RPTOR: variants seen among roughly 807,000 people sequenced by gnomAD.
The protein encoded by RPTOR is regulatory associated protein of MTOR complex 1.
A neutral mutation model predicts 169.9 loss-of-function variants in RPTOR; 21 were observed. The ratio of observed to expected loss-of-function variants is 0.12; its 90% CI spans 0.09 to 0.18. The LOEUF is 0.18. Ranked by LOEUF, RPTOR falls within the 10% of genes least tolerant of loss-of-function variation. The pLI is 1.00. For synonymous variants in RPTOR, 732 were observed against 753.2 expected, an observed-to-expected ratio of 0.97 and a Z score of 0.46; for missense variants, 1,133 against 1,855.9, an observed-to-expected ratio of 0.61 and a Z score of 7.16.
intron 9 of RPTOR, among the ~76,000 whole-genome samples, chr17:80,827,921 G>C (rs1370876676): frequency 1.3e-5 from 2 of 152,220 alleles, no homozygotes; most frequent in Non-Finnish European, 2.9e-5. Context: ...ATGAGAAACT[G>C]GGGTGTGTGA....
rs1334637901 is a variant in RPTOR, at chr17:80,753,434, AC to A, written c.655-574del. ...CGGATCACGAGGTCAGGAGATCGAG[AC>A]CATCCTGGCTAACACGGTGAAACCC... On this transcript the variant is annotated intron_variant, in intron 5 of 33. Coordinates refer to ENST00000306801, the MANE Select transcript of RPTOR (RefSeq NM_020761.3). 2.0e-5 allele frequency among the ~76,000 whole-genome samples: 3 copies of A among 152,014 alleles called. No homozygotes were observed. The East Asian group carries it at 5.8e-4, about 29-fold the overall frequency.
At chr17:80,745,129 G>C (rs1326184364) in intron 5 of RPTOR, among the ~76,000 whole-genome samples, 1 of 152,228 alleles carries the variant, frequency 6.6e-6, no homozygotes, top group Non-Finnish European at 1.5e-5. Context: ...TTTTGATATA[G>C]AGGGTGAAGA....
At chr17:80,961,310 C>G (rs1439320902) in intron 30 of RPTOR, 84 bp from the exon 31 acceptor site, 2 of 1,336,430 alleles carry the variant, frequency 1.5e-6, no homozygotes, top group Non-Finnish European at 2.0e-6. Context: ...CACAGGCAGA[C>G]CTGGGCAGCT....
At chr17:80,958,270 T>C (rs950917553) in intron 29 of RPTOR, among the ~76,000 whole-genome samples, 12 of 151,056 alleles carry the variant, frequency 7.9e-5, no homozygotes, top group African/African-American at 2.9e-4. Flanking sequence ...TTTTTAACTT[T>C]TTGTAGAAAC....
chr17:80,719,463 G>T (rs1208035206), intron 4 of RPTOR, among the ~76,000 whole-genome samples: 1 of 152,198 alleles, frequency 6.6e-6, no homozygotes, highest in Non-Finnish European at 1.5e-5. Flanking sequence ...AGAATTCTCA[G>T]CCCTATTAAA....
chr17:80,693,278 C>G (rs1405458160), intron 3 of RPTOR, among the ~76,000 whole-genome samples: 1 of 152,178 alleles, frequency 6.6e-6, no homozygotes, highest in African/African-American at 2.4e-5. Context: ...CCCACTTCTC[C>G]CAGCAGTGCC....
intron 13 of RPTOR, among the ~76,000 whole-genome samples, chr17:80,871,571 G>A (rs769979407): frequency 5.9e-5 from 9 of 152,198 alleles, no homozygotes; most frequent in South Asian, 2.1e-4. Context: ...CGCCCCTTCC[G>A]GAATGGGCTG....
At chr17:80,553,241 TCTC>T (rs1162599617) in intron 1 of RPTOR, among the ~76,000 whole-genome samples, 1 of 152,192 alleles carries the variant, frequency 6.6e-6, no homozygotes, top group East Asian at 1.9e-4. Context: ...TGCTGCTCCT[TCTC>T]CTGCAGGCAA....
intron 5 of RPTOR, among the ~76,000 whole-genome samples, chr17:80,753,794 A>G (rs1007137266): frequency 6.6e-6 from 1 of 152,128 alleles, no homozygotes; most frequent in African/African-American, 2.4e-5. Flanking sequence ...CTGTGCCATC[A>G]GAAGGGCCTT....
intron 6 of RPTOR, among the ~76,000 whole-genome samples, chr17:80,783,642 C>G (rs1039281908): frequency 1.2e-4 from 19 of 152,352 alleles, no homozygotes; most frequent in Admixed American, 1.0e-3. Context: ...GGGGCTCCTC[C>G]GATATCCAGC....
At chr17:80,729,183 T>C (rs80016578) in intron 4 of RPTOR, among the ~76,000 whole-genome samples, 2,201 of 152,334 alleles carry the variant, frequency 0.014, 53 homozygotes, top group African/African-American at 0.05. Flanking sequence ...TTCCCCAGGC[T>C]TTGCTGGATC....
chr17:80,823,641 T>TCA lies in RPTOR; in HGVS notation c.1136+455_1136+456dup, dbSNP rs3042670. On this transcript the variant is annotated intron_variant, in intron 9 of 33. Transcript: ENST00000306801. This position sits in a 1 kb window ranked among gnomAD's most constrained non-coding sequence, Gnocchi z 4.5. ...ATCAATTAGTTTTTATGCTTATTTC[T>TCA]CACACACACACACACACACACACAC... The TCA allele has an allele frequency of 0.081, 12,712 of 156,978 alleles. 561 individuals carry two copies. The highest frequency in any genetic ancestry group is 0.096 in the Non-Finnish European group (6,864 of 71,478). 9.7% of individuals were successfully genotyped at this position (156,978 alleles called of 1,614,324 possible).
chr17:80,834,316 C>G (rs1251328692), intron 9 of RPTOR, among the ~76,000 whole-genome samples: 1 of 152,178 alleles, frequency 6.6e-6, no homozygotes, highest in African/African-American at 2.4e-5. Context: ...CTCATTAGTA[C>G]TTGAACAAAG....
chr17:80,666,329 G>T (rs764338628), intron 3 of RPTOR, among the ~76,000 whole-genome samples: 3 of 151,908 alleles, frequency 2.0e-5, no homozygotes, highest in African/African-American at 4.8e-5. Flanking sequence ...CCTCTCCCTC[G>T]ATCAAGCCTG....
intron 3 of RPTOR, among the ~76,000 whole-genome samples, chr17:80,657,723 C>T (rs1029591240): frequency 6.6e-6 from 1 of 152,056 alleles, no homozygotes; most frequent in Admixed American, 6.6e-5. Flanking sequence ...CTTACTGGGG[C>T]ATTTATTTAC....
intron 1 of RPTOR, among the ~76,000 whole-genome samples, chr17:80,608,988 G>A (rs1244347652): frequency 6.6e-6 from 1 of 152,188 alleles, no homozygotes; most frequent in African/African-American, 2.4e-5. Context: ...CCTAGGAGGT[G>A]TTACAATGAC....
In RPTOR at chr17:80,964,982, A is replaced by G. The variant is rs1312267425; in HGVS notation, c.*652A>G. ...GCCGCTGGCAGCATCACTGAGCAGG[A>G]AGCGCACAGCCCACCCTCCCCGCAC... On this transcript the variant is annotated 3_prime_UTR_variant, in exon 34 of 34. Transcript: ENST00000306801. 4.3e-6 allele frequency: 1 copy of G among 233,368 alleles called. No homozygotes were observed. The highest frequency in any genetic ancestry group is 8.5e-6 in the Non-Finnish European group (1 of 118,228). 14.5% of individuals were successfully genotyped at this position (233,368 alleles called of 1,614,324 possible).
At position 80,609,177 on chromosome 17, in the gene RPTOR, G is replaced by A. The variant is rs1033120535; in HGVS notation, c.163-16514G>A. Among the ~76,000 whole-genome samples the A allele has an allele frequency of 6.6e-6, 1 of 152,158 alleles. No homozygotes were observed. Among genetic ancestry groups the A allele is most frequent in the African/African-American group, 2.4e-5 (1 of 41,452 alleles). ...GCTGCAGGGGGCGGGGAGCACATGCGGCGTGCAGACCTTTCCTTAGGTTTG... is the reference window on the plus strand; with the variant it reads ...GCTGCAGGGGGCGGGGAGCACATGCAGCGTGCAGACCTTTCCTTAGGTTTG... On this transcript the variant is annotated intron_variant, in intron 1 of 33. Transcript: ENST00000306801. This position sits in a 1 kb window ranked among gnomAD's most constrained non-coding sequence, Gnocchi z 4.8.
rs566480834 is a variant in RPTOR at position 80,932,396 on chromosome 17, G to A, written c.2919+6916G>A. On this transcript the variant is annotated intron_variant, in intron 24 of 33. Coordinates refer to ENST00000306801, the MANE Select transcript of RPTOR (RefSeq NM_020761.3). ...GCCCCCAAAAATATAAGACAAACAC[G>A]CCTGCCATCAAGAGACAAAGCAGAG... Among the ~76,000 whole-genome samples the A allele has an allele frequency of 7.2e-5, 11 of 152,140 alleles. No individual in the cohort carries two copies. The South Asian group carries it at 2.1e-3, about 29-fold the overall frequency.
Sources: gnomAD v4.1 joint callset for allele counts (sites outside exome capture counted in the v4.1 genomes callset) on GRCh38, gnomAD v4.1.1 for gene constraint, Gnocchi (gnomAD v3.1) non-coding constraint, MANE v1.5 for transcripts, NCBI Gene and HGNC (gene_info 2026-07-23, HGNC 2026-07-21) for gene names.